GLIS3: variants seen among roughly 807,000 people sequenced by gnomAD.
The protein encoded by GLIS3 is GLIS family zinc finger 3, also known as zinc finger protein GLIS3.
A neutral mutation model predicts 78.6 loss-of-function variants in GLIS3; 53 were observed. The ratio of observed to expected loss-of-function variants is 0.67; its 90% CI spans 0.54 to 0.85. The LOEUF is 0.85. Among genes scored for constraint, GLIS3 ranks in the 40% least tolerant of loss-of-function variants. The pLI, the probability that GLIS3 is intolerant of heterozygous loss-of-function variation, is 0.00. For missense variants in GLIS3, 1,703 were observed against 1,231.1 expected (o/e 1.38, Z -5.74); for synonymous variants, 684 against 509.9 (o/e 1.34, Z -4.60).
intron 4 of GLIS3, among the ~76,000 whole-genome samples, chr9:4,107,178 T>C (rs532971202): frequency 6.6e-6 from 1 of 152,276 alleles, no homozygotes; most frequent in East Asian, 1.9e-4. Context: ...GTGTTTTCTT[T>C]TCAAGGAGAT....
At chr9:3,979,539 A>C (rs1009864275) in intron 4 of GLIS3, among the ~76,000 whole-genome samples, 6 of 152,088 alleles carry the variant, frequency 3.9e-5, no homozygotes, top group African/African-American at 1.4e-4. Flanking sequence ...CTTCTCCTCT[A>C]TGTGCTTCAG....
intron 4 of GLIS3, among the ~76,000 whole-genome samples, chr9:4,074,555 T>C (rs1159275543): frequency 6.6e-6 from 1 of 152,190 alleles, no homozygotes; most frequent in East Asian, 1.9e-4. Flanking sequence ...TCTACCCAAC[T>C]GTATTATATT....
the GLIS3 span, among the ~76,000 whole-genome samples, chr9:4,374,056 T>C: frequency 1.3e-5 from 2 of 152,224 alleles, no homozygotes; most frequent in Non-Finnish European, 2.9e-5. Context: ...TTGCAACGAA[T>C]GGAATAGGTA....
At chr9:4,213,946 C>T (rs533844920) in intron 2 of GLIS3, among the ~76,000 whole-genome samples, 1 of 143,268 alleles carries the variant, frequency 7.0e-6, no homozygotes, top group East Asian at 2.0e-4. Flanking sequence ...AAAAAAACAA[C>T]TAAAACTGAA....
chr9:4,108,501 C>T (rs768092537), intron 4 of GLIS3, among the ~76,000 whole-genome samples: 1 of 152,128 alleles, frequency 6.6e-6, no homozygotes, highest in Admixed American at 6.5e-5. Flanking sequence ...CCTCCATTTC[C>T]GCTTCATTAC....
chr9:4,417,387 T>A, the GLIS3 span, among the ~76,000 whole-genome samples: 271 of 152,362 alleles, frequency 1.8e-3, no homozygotes, highest in Non-Finnish European at 2.9e-3. Context: ...TGTACATTTA[T>A]ACACTTTGAA....
At chr9:4,130,829 T>C (rs1219302601) in intron 2 of GLIS3, among the ~76,000 whole-genome samples, 1 of 152,152 alleles carries the variant, frequency 6.6e-6, no homozygotes, top group African/African-American at 2.4e-5. Flanking sequence ...AGGGACACCA[T>C]CTTCCAGACC....
At chr9:3,951,395 A>C (rs985722768) in intron 4 of GLIS3, among the ~76,000 whole-genome samples, 5 of 151,912 alleles carry the variant, frequency 3.3e-5, no homozygotes, top group Non-Finnish European at 7.4e-5. Flanking sequence ...TAAATTAAGA[A>C]AGAAAAAAAA....
intron 8 of GLIS3, among the ~76,000 whole-genome samples, chr9:3,869,284 T>C (rs1290968294): frequency 6.6e-6 from 1 of 151,960 alleles, no homozygotes; most frequent in East Asian, 1.9e-4. Flanking sequence ...TGTGTGTGTG[T>C]GTGTGTGTGT....
chr9:4,167,838 C>G (rs190304206), intron 2 of GLIS3, among the ~76,000 whole-genome samples: 18 of 152,264 alleles, frequency 1.2e-4, no homozygotes. Context: ...GCTTCCGGGT[C>G]CTCTTTGTGA....
At chr9:4,396,853 C>T in the GLIS3 span, among the ~76,000 whole-genome samples, 1 of 151,838 alleles carries the variant, frequency 6.6e-6, no homozygotes, top group African/African-American at 2.4e-5. Flanking sequence ...TGAAGTAAAG[C>T]GAGCCTGAGT....
chr9:4,060,353 G>A (rs535590743), intron 4 of GLIS3, among the ~76,000 whole-genome samples: 14 of 152,124 alleles, frequency 9.2e-5, no homozygotes, highest in African/African-American at 3.1e-4. Flanking sequence ...CCTGCTTCTC[G>A]TCACCTTCAG....
At chr9:4,353,769 G>C in the GLIS3 span, among the ~76,000 whole-genome samples, 3 of 152,134 alleles carry the variant, frequency 2.0e-5, no homozygotes, top group East Asian at 1.9e-4. Flanking sequence ...AAAGATGTAT[G>C]TTCTGAATTA....
intron 2 of GLIS3, among the ~76,000 whole-genome samples, chr9:4,171,128 C>G (rs1816336700): frequency 6.6e-6 from 1 of 152,222 alleles, no homozygotes; most frequent in Non-Finnish European, 1.5e-5. Flanking sequence ...CAGACATTCA[C>G]TTCTGAAATA....
intron 2 of GLIS3, among the ~76,000 whole-genome samples, chr9:4,247,326 A>G (rs1175509004): frequency 6.6e-6 from 1 of 152,232 alleles, no homozygotes; most frequent in African/African-American, 2.4e-5. Flanking sequence ...ACTCAAATAA[A>G]GGATAATAAT....
chr9:3,932,335 C>T, intron 6 of GLIS3, 25 bp downstream of exon 6: 1 of 1,542,510 alleles, frequency 6.5e-7, no homozygotes, highest in Non-Finnish European at 9.0e-7. Context: ...CTTTTCCCGA[C>T]TGGAAGATTC....
chr9:3,900,463 G>A (rs1347561839), intron 6 of GLIS3, among the ~76,000 whole-genome samples: 3 of 101,682 alleles, frequency 3.0e-5, no homozygotes, highest in African/African-American at 1.1e-4. Context: ...GAAATAGCCA[G>A]AGGTGTTAAA....
the GLIS3 span, among the ~76,000 whole-genome samples, chr9:4,457,235 C>T: frequency 6.6e-6 from 1 of 151,886 alleles, no homozygotes; most frequent in Non-Finnish European, 1.5e-5. Context: ...GTGGCACACA[C>T]TTGTAGTCCC....
chr9:4,376,634 T>C, the GLIS3 span, among the ~76,000 whole-genome samples: 3 of 135,168 alleles, frequency 2.2e-5, 1 homozygote, highest in South Asian at 5.7e-4. Context: ...AATGTAAATA[T>C]ACATCTTATA....
Sources: gnomAD v4.1 joint callset for allele counts (sites outside exome capture counted in the v4.1 genomes callset) on GRCh38, gnomAD v4.1.1 for gene constraint, MANE v1.5 for transcripts, NCBI Gene and HGNC (gene_info 2026-07-23, HGNC 2026-07-21) for gene names.